Variants in TMEM132D observed in about 807,000 individuals in gnomAD.
TMEM132D encodes mature OL transmembrane protein.
In TMEM132D, 21 loss-of-function variants were observed where a neutral mutation model predicts 62.3. The observed-to-expected ratio is 0.34, with a 90% CI of 0.24 to 0.49. The LOEUF is 0.49. TMEM132D is among the 20% of genes least tolerant of loss of function. The pLI, the probability that TMEM132D is intolerant of heterozygous loss-of-function variation, is 0.99. For missense variants in TMEM132D, 1,346 were observed against 1,402.8 expected (o/e 0.96, Z 0.65); for synonymous variants, 621 against 575.6 (o/e 1.08, Z -1.13).
chr12:129,128,268 G>A (rs1487519166), intron 5 of TMEM132D, among the ~76,000 whole-genome samples: 1 of 152,070 alleles, frequency 6.6e-6, no homozygotes, highest in Non-Finnish European at 1.5e-5. Flanking sequence ...GGCTGTATTA[G>A]TCCATTTCTA....
intron 2 of TMEM132D, among the ~76,000 whole-genome samples, chr12:129,590,368 C>T (rs1878155005): frequency 6.6e-6 from 1 of 152,210 alleles, no homozygotes; most frequent in South Asian, 2.1e-4. Context: ...CACCAAGTCC[C>T]TTCTAATACA....
At chr12:129,366,900 G>A (rs1326731180) in intron 3 of TMEM132D, among the ~76,000 whole-genome samples, 1 of 152,212 alleles carries the variant, frequency 6.6e-6, no homozygotes, top group Non-Finnish European at 1.5e-5. Context: ...GTGGTTTTGG[G>A]GATTTAGGGT....
At chr12:129,486,043 G>A (rs1332226685) in intron 3 of TMEM132D, among the ~76,000 whole-genome samples, 2 of 152,132 alleles carry the variant, frequency 1.3e-5, no homozygotes, top group East Asian at 1.9e-4. Flanking sequence ...TGTTGATGCC[G>A]GAATCTGCTT....
chr12:129,265,285 C>A (rs751532034), intron 4 of TMEM132D, among the ~76,000 whole-genome samples: 1 of 152,044 alleles, frequency 6.6e-6, no homozygotes, highest in East Asian at 1.9e-4. Context: ...GTGGGAGTAG[C>A]CTGAGTCAAT....
chr12:129,623,395 G>T (rs1188100414), intron 2 of TMEM132D, among the ~76,000 whole-genome samples: 5 of 152,062 alleles, frequency 3.3e-5, no homozygotes, highest in Admixed American at 1.3e-4. Flanking sequence ...AGAGTGTGCA[G>T]TGTACCCAGT....
At chr12:129,847,126 T>C (rs778852709) in intron 1 of TMEM132D, among the ~76,000 whole-genome samples, 7 of 152,226 alleles carry the variant, frequency 4.6e-5, no homozygotes, top group Non-Finnish European at 7.3e-5. Context: ...AAAGTAGATG[T>C]TGAGTTTCAG....
At position 129,258,182 on chromosome 12, in the gene TMEM132D, T is replaced by C. The variant is rs368525690; in HGVS notation, c.1300-48519A>G. ...TTAAATGCCCTGAACTTCATTACCC[T>C]CATTTGTAAAGCTGGGCTGGTTCCC... is the stretch of plus-strand genomic sequence containing the variant. On this transcript the variant is annotated intron_variant, in intron 4 of 8. Coordinates refer to ENST00000422113, the MANE Select transcript of TMEM132D (RefSeq NM_133448.3). 1.1e-4 allele frequency among the ~76,000 whole-genome samples: 17 copies of C among 152,322 alleles called. No homozygotes were observed. In the East Asian group the frequency reaches 1.9e-3, roughly 17 times the overall value.
chr12:129,807,660 T>G (rs920929385), intron 1 of TMEM132D, among the ~76,000 whole-genome samples: 8 of 152,216 alleles, frequency 5.3e-5, no homozygotes, highest in Admixed American at 6.5e-5. Context: ...CTTCCGACTC[T>G]CCTTGTCTTC....
At chr12:129,501,692 G>A (rs1273246749) in intron 3 of TMEM132D, among the ~76,000 whole-genome samples, 1 of 151,898 alleles carries the variant, frequency 6.6e-6, no homozygotes, top group East Asian at 1.9e-4. Context: ...TTTTTGTAGA[G>A]ATGGGGTTTT....
In TMEM132D at chr12:129,271,348, T is replaced by C. The variant is rs554166840; in HGVS notation, c.1300-61685A>G. The stretch of plus-strand genomic sequence containing the variant: ...ATTCTCTGACTTGAAATCTTAGACC[T>C]CTCCTATAGAAGAGACCTCAGAACA... On this transcript the variant is annotated intron_variant, in intron 4 of 8. Coordinates refer to ENST00000422113, the MANE Select transcript of TMEM132D (RefSeq NM_133448.3). Among the ~76,000 whole-genome samples the C allele has an allele frequency of 2.2e-4, 34 of 151,896 alleles. 2 individuals carry two copies. Among genetic ancestry groups the C allele is most frequent in the African/African-American group, 7.8e-4 (32 of 41,220 alleles).
chr12:129,214,786 T>C (rs1879156696), intron 4 of TMEM132D, among the ~76,000 whole-genome samples: 1 of 152,176 alleles, frequency 6.6e-6, no homozygotes, highest in Non-Finnish European at 1.5e-5. Context: ...GAATAGCTAT[T>C]ATTAAAAAGA....
intron 5 of TMEM132D, among the ~76,000 whole-genome samples, chr12:129,149,690 AG>A (rs1877017033): frequency 6.6e-6 from 1 of 152,198 alleles, no homozygotes; most frequent in Non-Finnish European, 1.5e-5. Context: ...CAATAACGGT[AG>A]GGCTCCAGCC....
At chr12:129,762,756 T>C (rs1401479679) in intron 1 of TMEM132D, among the ~76,000 whole-genome samples, 2 of 152,108 alleles carry the variant, frequency 1.3e-5, no homozygotes, top group Non-Finnish European at 2.9e-5. Context: ...GGTTTATCCT[T>C]GTTTGGGGAG....
chr12:129,894,735 T>C (rs915866739), intron 1 of TMEM132D, among the ~76,000 whole-genome samples: 3 of 61,282 alleles, frequency 4.9e-5, no homozygotes, highest in Admixed American at 1.5e-4. Flanking sequence ...TGTTGGTTTC[T>C]TGTAGTTTCT....
chr12:129,093,126 G>C (rs1874985546), intron 5 of TMEM132D, among the ~76,000 whole-genome samples: 1 of 152,216 alleles, frequency 6.6e-6, no homozygotes, highest in Non-Finnish European at 1.5e-5. Context: ...TACTAGACTG[G>C]AAGAGGATGT....
At chr12:129,295,427 C>CG in intron 4 of TMEM132D, among the ~76,000 whole-genome samples, 1 of 123,024 alleles carries the variant, frequency 8.1e-6, no homozygotes, top group African/African-American at 3.1e-5. Context: ...TCATATTAGC[C>CG]TTTTTTTTTT....
rs186621590 is a variant in TMEM132D, at chr12:129,815,103, G to A, written c.79+88158C>T. Among the ~76,000 whole-genome samples, 8 of 152,218 alleles carry A rather than the reference G, an allele frequency of 5.3e-5. No individual in the cohort carries two copies. The East Asian group carries it at 9.6e-4, about 18-fold the overall frequency. On this transcript the variant is annotated intron_variant, in intron 1 of 8. Coordinates refer to ENST00000422113, the MANE Select transcript of TMEM132D (RefSeq NM_133448.3). ...ATTAGATGCTTAATGAATATTTGTCGTAACAATATTTTAAGATGTATTCAA... is the reference window on the plus strand; with the variant it reads ...ATTAGATGCTTAATGAATATTTGTCATAACAATATTTTAAGATGTATTCAA...
At chr12:129,885,599 G>T (rs1874727557) in intron 1 of TMEM132D, among the ~76,000 whole-genome samples, 1 of 152,140 alleles carries the variant, frequency 6.6e-6, no homozygotes, top group African/African-American at 2.4e-5. Context: ...AAAAACAATG[G>T]TCTTCCCACA....
At chr12:129,544,720 GAA>G (rs888110734) in intron 2 of TMEM132D, among the ~76,000 whole-genome samples, 1 of 151,258 alleles carries the variant, frequency 6.6e-6, no homozygotes, top group African/African-American at 2.4e-5. Flanking sequence ...GAAATGAAAA[GAA>G]AAAAAAGAGA....
Sources: allele counts gnomAD v4.1 joint callset (sites outside exome capture counted in the v4.1 genomes callset), GRCh38; gene constraint gnomAD v4.1.1; transcripts MANE v1.5; gene names NCBI Gene and HGNC (gene_info 2026-07-23, HGNC 2026-07-21).